The following RNF150 variants were observed in gnomAD, a reference collection of about 807,000 sequenced individuals.
The protein encoded by RNF150 is ring finger protein 150.
RNF150 carries 24 observed loss-of-function variants against 39.3 expected under a neutral mutation model. The ratio of observed to expected loss-of-function variants is 0.61; its 90% CI spans 0.44 to 0.86. RNF150 has a LOEUF of 0.86. Among genes scored for constraint, RNF150 ranks in the 40% least tolerant of loss-of-function variants. The pLI is 0.00. For synonymous variants in RNF150, 255 were observed against 227.3 expected (o/e 1.12, Z -1.10); for missense variants, 502 against 587.8 (o/e 0.85, Z 1.51).
chr4:141,044,763 T>G (rs1001078171), intron 1 of RNF150, among the ~76,000 whole-genome samples: 3 of 123,090 alleles, frequency 2.4e-5, no homozygotes, highest in Non-Finnish European at 5.0e-5. Flanking sequence ...TGCATGCGGG[T>G]GTGCAGCGCA....
chr4:140,946,359 T>G (rs2111369303), intron 4 of RNF150, among the ~76,000 whole-genome samples: 1 of 152,366 alleles, frequency 6.6e-6, no homozygotes, highest in Non-Finnish European at 1.5e-5. Context: ...AAAGTAATTT[T>G]TGTTTCTTTT....
intron 1 of RNF150, among the ~76,000 whole-genome samples, chr4:141,027,775 G>GC (rs1414712129): frequency 1.3e-5 from 2 of 152,106 alleles, no homozygotes; most frequent in African/African-American, 2.4e-5. Context: ...GTGCAGAGTA[G>GC]CCCTGGATTG....
At chr4:141,013,229 T>G (rs934413733) in intron 1 of RNF150, among the ~76,000 whole-genome samples, 1 of 152,172 alleles carries the variant, frequency 6.6e-6, no homozygotes, top group Non-Finnish European at 1.5e-5. Context: ...ATGGCTCGGA[T>G]GGACAGTAAA....
chr4:140,956,453 G>A (rs1482677774), intron 2 of RNF150, among the ~76,000 whole-genome samples: 1 of 152,102 alleles, frequency 6.6e-6, no homozygotes, highest in African/African-American at 2.4e-5. Flanking sequence ...CCAACTCAAA[G>A]GTCAAGAAGA....
chr4:141,128,499 G>A (rs747187481), intron 1 of RNF150, among the ~76,000 whole-genome samples: 11 of 152,154 alleles, frequency 7.2e-5, no homozygotes, highest in South Asian at 2.1e-4. Flanking sequence ...AGGGTACACC[G>A]AAAGAAGCTT....
chr4:140,959,845 G>A (rs1038384730), intron 2 of RNF150, among the ~76,000 whole-genome samples: 4 of 152,106 alleles, frequency 2.6e-5, no homozygotes, highest in Non-Finnish European at 5.9e-5. Flanking sequence ...ATGATTGCGG[G>A]AGAGAGGCTG....
At position 140,865,919 on chromosome 4, in the gene RNF150, C is replaced by T. The variant is rs1728689934; in HGVS notation, c.*2342G>A. 1.3e-5 allele frequency: 2 copies of T among 152,224 alleles called. No homozygotes were observed. Among genetic ancestry groups the T allele is most frequent in the African/African-American group, 4.8e-5 (2 of 41,442 alleles). The allele number at this position is 152,224 out of a possible 1,614,324, so 9.4% of individuals were successfully genotyped here. On this transcript the variant is annotated 3_prime_UTR_variant, in exon 7 of 7. Transcript: ENST00000515673. ...TAATTCCACTGGACTAAACTTAATA[C>T]CAGTAATACTAAAATTTGTTTTGGG... is the stretch of plus-strand genomic sequence containing the variant.
intron 6 of RNF150, 86 bp downstream of exon 6, chr4:140,911,058 T>G: frequency 9.5e-7 from 1 of 1,051,354 alleles, no homozygotes; most frequent in Non-Finnish European, 1.4e-6. Flanking sequence ...CAATATTTTT[T>G]TCTTTTTGAG....
At chr4:141,000,001 AGAAGAAGAAGAAGAAGAAGAAG>A (rs1560678854) in intron 1 of RNF150, among the ~76,000 whole-genome samples, 20 of 30,344 alleles carry the variant, frequency 6.6e-4, no homozygotes, top group South Asian at 1.2e-3. Context: ...GAAAAGAAGA[AGAAGAAGAAGAAGAAGAAGAAG>A]AAGAAGAAGA....
In RNF150 at chr4:140,863,367, T is replaced by C. The variant is rs1253622818; in HGVS notation, c.*4894A>G. ...AGATGGGTTGCGATACAACTGGTGA[T>C]GTGAGAAGTGAAAATGAAACTGACT... On this transcript the variant is annotated 3_prime_UTR_variant, in exon 7 of 7. Coordinates refer to ENST00000515673, the MANE Select transcript of RNF150 (RefSeq NM_020724.2). 2 of 152,152 alleles carry C rather than the reference T, an allele frequency of 1.3e-5. No homozygotes were observed. The highest frequency in any genetic ancestry group is 2.9e-5 in the Non-Finnish European group (2 of 68,034). 9.4% of individuals were successfully genotyped at this position (152,152 alleles called of 1,614,324 possible).
intron 4 of RNF150, among the ~76,000 whole-genome samples, chr4:140,933,723 T>C (rs1731734932): frequency 6.6e-6 from 1 of 152,252 alleles, no homozygotes; most frequent in Admixed American, 6.5e-5. Context: ...GCCATGCTTT[T>C]CCCTGTTCCT....
chr4:141,094,353 A>G (rs561815803), intron 1 of RNF150, among the ~76,000 whole-genome samples: 24 of 152,398 alleles, frequency 1.6e-4, no homozygotes, highest in Non-Finnish European at 2.6e-4. Flanking sequence ...TAGTAACTGT[A>G]TATTGATTTC....
intron 1 of RNF150, among the ~76,000 whole-genome samples, chr4:141,157,487 G>A (rs1727434537): frequency 6.6e-6 from 1 of 152,188 alleles, no homozygotes; most frequent in Non-Finnish European, 1.5e-5. Flanking sequence ...GAATTGGGAA[G>A]CAAGTGGCAA....
chr4:141,132,557 C>T lies in RNF150; in HGVS notation c.252G>A (p.Gln84=). ...CCATGACCACCTCCCCGCGGGCGTC[C>T]TGCTTGGGCGAGTGCTCTCCGTAGC... ...CGRYGEHSPK[Q]DARGEVVMAS... is the part of the protein sequence containing the mutation. The change falls in exon 1 of 7, where the codon CAG becomes CAA. Residue 84 remains glutamine, a synonymous_variant. Transcript: ENST00000515673. This position sits in a 1 kb window ranked among gnomAD's most constrained non-coding sequence, Gnocchi z 4.9. 6.3e-7 allele frequency: 1 copy of T among 1,591,896 alleles called. No individual in the cohort carries two copies. Among genetic ancestry groups the T allele is most frequent in the South Asian group, 1.1e-5 (1 of 87,452 alleles).
intron 1 of RNF150, among the ~76,000 whole-genome samples, chr4:140,975,688 T>A (rs1475215357): frequency 6.6e-6 from 1 of 152,174 alleles, no homozygotes. Flanking sequence ...TCCTATTTTC[T>A]GGGGAAAACC....
At chr4:141,176,086 G>A (rs1031798456) in intron 1 of RNF150, among the ~76,000 whole-genome samples, 1 of 150,646 alleles carries the variant, frequency 6.6e-6, no homozygotes, top group Non-Finnish European at 1.5e-5. Flanking sequence ...TGTAGAGACA[G>A]AGGATTTTGC....
intron 6 of RNF150, among the ~76,000 whole-genome samples, chr4:140,882,407 A>C (rs1008272325): frequency 6.6e-6 from 1 of 152,184 alleles, no homozygotes; most frequent in Non-Finnish European, 1.5e-5. Flanking sequence ...GTATTCTGCT[A>C]CTGTTGGGTG....
chr4:141,056,710 C>A (rs1323352865), intron 1 of RNF150, among the ~76,000 whole-genome samples: 3 of 151,596 alleles, frequency 2.0e-5, no homozygotes, highest in African/African-American at 7.3e-5. Context: ...GACATGAAGG[C>A]GTGAGGGAAA....
At chr4:141,076,184 T>C (rs1215451650) in intron 1 of RNF150, among the ~76,000 whole-genome samples, 1 of 152,160 alleles carries the variant, frequency 6.6e-6, no homozygotes. Flanking sequence ...ACAGGAAAAA[T>C]CATTTCCAGT....
Sources: allele counts gnomAD v4.1 joint callset (sites outside exome capture counted in the v4.1 genomes callset), GRCh38; gene constraint gnomAD v4.1.1; non-coding constraint Gnocchi (gnomAD v3.1); transcripts MANE v1.5; gene names NCBI Gene and HGNC (gene_info 2026-07-23, HGNC 2026-07-21).